Variants in TMPRSS15 observed in about 807,000 individuals in gnomAD.
TMPRSS15 encodes the protein transmembrane serine protease 15.
Under a neutral mutation model 125.3 loss-of-function variants are expected in TMPRSS15, and 128 were observed. The ratio of observed to expected loss-of-function variants is 1.02; its 90% CI spans 0.89 to 1.18. TMPRSS15 has a LOEUF of 1.18. TMPRSS15 is among the 50% of genes most tolerant of loss of function. The pLI is 0.00. For missense variants in TMPRSS15, 1,283 were observed against 1,212.7 expected, an observed-to-expected ratio of 1.06 and a Z score of -0.86; for synonymous variants, 446 against 423.2, an observed-to-expected ratio of 1.05 and a Z score of -0.66.
chr21:18,367,106 G>A (rs1238467035), intron 6 of TMPRSS15, among the ~76,000 whole-genome samples: 1 of 151,590 alleles, frequency 6.6e-6, no homozygotes, highest in East Asian at 1.9e-4. Context: ...TAAAAACAAT[G>A]GCCTAGGAAT....
chr21:18,456,936 A>C (rs1034410591), intron 1 of TMPRSS15, among the ~76,000 whole-genome samples: 7 of 152,106 alleles, frequency 4.6e-5, no homozygotes, highest in Non-Finnish European at 1.0e-4. Flanking sequence ...TGCAGCAGTC[A>C]ATACCCAAAT....
intron 24 of TMPRSS15, among the ~76,000 whole-genome samples, chr21:18,270,908 G>T (rs1672548940): frequency 6.6e-6 from 1 of 151,976 alleles, no homozygotes; most frequent in African/African-American, 2.4e-5. Flanking sequence ...TGATTAATTT[G>T]TTTTTTATAT....
At chr21:18,349,157 T>A (rs530558391) in intron 10 of TMPRSS15, among the ~76,000 whole-genome samples, 3 of 152,200 alleles carry the variant, frequency 2.0e-5, no homozygotes, top group African/African-American at 7.2e-5. Flanking sequence ...AACATTTTAT[T>A]TGAGCTATGT....
chr21:18,271,702 G>C (rs2074558871), intron 24 of TMPRSS15, among the ~76,000 whole-genome samples: 1 of 151,500 alleles, frequency 6.6e-6, no homozygotes, highest in South Asian at 2.1e-4. Context: ...TGAACCTATT[G>C]ACCCGCCCTC....
intron 5 of TMPRSS15, among the ~76,000 whole-genome samples, chr21:18,377,760 C>T (rs1409082535): frequency 2.6e-5 from 4 of 152,142 alleles, no homozygotes; most frequent in East Asian, 3.9e-4. Flanking sequence ...CTGTAGTTTA[C>T]GTGTAGAAGA....
At chr21:18,431,185 G>T (rs1470709834) in intron 1 of TMPRSS15, among the ~76,000 whole-genome samples, 2 of 152,130 alleles carry the variant, frequency 1.3e-5, no homozygotes, top group African/African-American at 4.8e-5. Flanking sequence ...ATAAAAATTT[G>T]TGCTCCATCA....
At chr21:18,368,186 T>A (rs2075756782) in intron 6 of TMPRSS15, among the ~76,000 whole-genome samples, 1 of 152,192 alleles carries the variant, frequency 6.6e-6, no homozygotes, top group Non-Finnish European at 1.5e-5. Context: ...ATTTTAGTCA[T>A]TTTTCCCACC....
upstream of TMPRSS15, among the ~76,000 whole-genome samples, chr21:18,407,448 C>CTTTTTTTTTTTTTTTTTTTTTTTTTTT (rs201740388): frequency 1.5e-5 from 2 of 133,198 alleles, no homozygotes; most frequent in Non-Finnish European, 3.2e-5. Context: ...TTTTTCTTTT[C>CTTTTTTTTTTTTTTTTTTTTTTTTTTT]TTTTTTTTTT....
intron 6 of TMPRSS15, among the ~76,000 whole-genome samples, chr21:18,371,373 ATCT>A (rs2075790414): frequency 6.6e-6 from 1 of 151,908 alleles, no homozygotes; most frequent in Non-Finnish European, 1.5e-5. Flanking sequence ...CTATGTGGAA[ATCT>A]TCTTAAATGT....
At chr21:18,311,863 T>C (rs2146933967) in intron 18 of TMPRSS15, among the ~76,000 whole-genome samples, 1 of 152,256 alleles carries the variant, frequency 6.6e-6, no homozygotes, top group East Asian at 1.9e-4. Flanking sequence ...GTTTTATAAT[T>C]AGAAAACTTT....
At chr21:18,427,124 C>T (rs1306154954) in intron 1 of TMPRSS15, among the ~76,000 whole-genome samples, 1 of 152,198 alleles carries the variant, frequency 6.6e-6, no homozygotes, top group Non-Finnish European at 1.5e-5. Context: ...TAGGCATCAA[C>T]TTATGTAAGT....
At chr21:18,339,475 G>C (rs560715985) in intron 13 of TMPRSS15, among the ~76,000 whole-genome samples, 1 of 152,128 alleles carries the variant, frequency 6.6e-6, no homozygotes, top group African/African-American at 2.4e-5. Context: ...TATAGTTTTG[G>C]AAGTAAACCA....
intron 1 of TMPRSS15, among the ~76,000 whole-genome samples, chr21:18,448,333 T>C (rs2076259870): frequency 6.6e-6 from 1 of 152,184 alleles, no homozygotes; most frequent in African/African-American, 2.4e-5. Flanking sequence ...TCACTAAGAA[T>C]GCAGACTCTG....
chr21:18,443,848 G>A (rs1015588887), intron 1 of TMPRSS15, among the ~76,000 whole-genome samples: 16 of 152,180 alleles, frequency 1.1e-4, no homozygotes, highest in African/African-American at 2.9e-4. Flanking sequence ...TAGCAGTACC[G>A]CTTTTGTGTG....
chr21:18,281,294 G>T (rs2074695936), intron 21 of TMPRSS15, 73 bp from the exon 22 acceptor site: 4 of 1,239,826 alleles, frequency 3.2e-6, no homozygotes, highest in African/African-American at 3.0e-5. Flanking sequence ...TCTTCATCAT[G>T]ACATTTCAGA....
intron 3 of TMPRSS15, among the ~76,000 whole-genome samples, chr21:18,385,615 G>A (rs546216309): frequency 2.0e-5 from 3 of 152,252 alleles, no homozygotes; most frequent in African/African-American, 7.2e-5. Context: ...CATGAGTGAG[G>A]CCATGGTTGA....
Position 18,353,831 on chromosome 21 carries a change from T to C in TMPRSS15, c.913A>G (p.Arg305Gly). The change falls in exon 9 of 25, where the codon AGA becomes GGA. Residue 305 changes from arginine to glycine, a missense_variant. Transcript: ENST00000284885. Reference sequence around the variant, plus strand: ...GCAGTAACTTGGTTGGAAAAAATTCTTATTGTGCCAGGATTAGTTTCCCAA... The same window carrying C: ...GCAGTAACTTGGTTGGAAAAAATTCCTATTGTGCCAGGATTAGTTTCCCAA... The part of the protein sequence containing the change: ...SIWETNPGTI[R>G]IFSNQVTATF... 6.2e-7 allele frequency: 1 copy of C among 1,611,668 alleles called. No individual in the cohort carries two copies. The highest frequency in any genetic ancestry group is 8.5e-7 in the Non-Finnish European group (1 of 1,178,304).
chr21:18,402,244 C>T (rs1458868914), intron 1 of TMPRSS15, among the ~76,000 whole-genome samples: 1 of 151,868 alleles, frequency 6.6e-6, no homozygotes, highest in Admixed American at 6.6e-5. Context: ...TAAAATCACT[C>T]ACAATGGAAA....
rs143388879 is a variant in TMPRSS15 at position 18,412,968 on chromosome 21, T to C, written c.11-14639A>G. On this transcript the variant is annotated intron_variant, in intron 1 of 7. Transcript: ENST00000422787. The stretch of plus-strand genomic sequence containing the variant: ...AAAAATAAGATAAATTTTAAATAAA[T>C]ATAATTGTGGTGGTGATCATTCTCT... Among the ~76,000 whole-genome samples, 5 of 152,280 alleles carry C rather than the reference T, an allele frequency of 3.3e-5. No homozygotes were observed. The East Asian group carries it at 9.7e-4, about 29-fold the overall frequency.
Sources: allele counts gnomAD v4.1 joint callset (sites outside exome capture counted in the v4.1 genomes callset), GRCh38; gene constraint gnomAD v4.1.1; transcripts MANE v1.5; gene names NCBI Gene and HGNC (gene_info 2026-07-23, HGNC 2026-07-21).